Variants in PLCH1 observed in about 807,000 individuals in gnomAD.
PLCH1 encodes the protein phospholipase C eta 1.
In PLCH1, 60 loss-of-function variants were observed where a neutral mutation model predicts 126.7. That is an observed-to-expected ratio of 0.47 (90% CI 0.38 to 0.59). The LOEUF is 0.59. Among genes scored for constraint, PLCH1 ranks in the 20% least tolerant of loss-of-function variants. The probability of loss-of-function intolerance (pLI) is 0.00; values close to 1 mark genes in which losing one functional copy is unlikely to be tolerated. For synonymous variants in PLCH1, 719 were observed against 734.9 expected, an observed-to-expected ratio of 0.98 and a Z score of 0.35; for missense variants, 1,723 against 2,040.0, an observed-to-expected ratio of 0.84 and a Z score of 2.99.
At chr3:155,652,898 G>C (rs1200569362) in intron 2 of PLCH1, among the ~76,000 whole-genome samples, 1 of 152,020 alleles carries the variant, frequency 6.6e-6, no homozygotes, top group Non-Finnish European at 1.5e-5. Flanking sequence ...TTTATTCCTG[G>C]ACCACTTCAC....
chr3:155,512,546 G>T (rs1719723903), intron 12 of PLCH1, among the ~76,000 whole-genome samples: 1 of 151,980 alleles, frequency 6.6e-6, no homozygotes, highest in African/African-American at 2.4e-5. Context: ...GCCTAAAGGT[G>T]AGTACAAGTT....
In PLCH1 at chr3:155,710,598, C is replaced by G. The variant is rs548245345; in HGVS notation, c.-40-6334G>C. Among the ~76,000 whole-genome samples, 4 of 151,930 alleles carry G rather than the reference C, an allele frequency of 2.6e-5. No individual in the cohort carries two copies. In the South Asian group the frequency reaches 8.3e-4, roughly 32 times the overall value. On this transcript the variant is annotated intron_variant, in intron 1 of 22. Coordinates refer to ENST00000460012, the MANE Select transcript of PLCH1 (RefSeq NM_014996.4). ...CTGTAATCCCAGCACTTTGGGAGGC[C>G]GAGGTGGGCAGATCACTTGAGGTCA... is the stretch of plus-strand genomic sequence containing the variant.
chr3:155,691,996 A>C (rs387885), intron 2 of PLCH1, among the ~76,000 whole-genome samples: 62,115 of 151,204 alleles, frequency 0.41, 13,598 homozygotes, highest in African/African-American at 0.55. Flanking sequence ...GCACCACTGC[A>C]CTCCAACCTG....
At chr3:155,494,580 G>C in intron 15 of PLCH1, 63 bp from the exon 16 acceptor site, 1 of 1,297,906 alleles carries the variant, frequency 7.7e-7, no homozygotes. Flanking sequence ...ACCACGCACA[G>C]AAGACTTTAT....
At chr3:155,622,196 C>T (rs919243716) in intron 2 of PLCH1, among the ~76,000 whole-genome samples, 1 of 152,174 alleles carries the variant, frequency 6.6e-6, no homozygotes, top group African/African-American at 2.4e-5. Flanking sequence ...AAATCCTTTA[C>T]AGACAAGCAA....
rs182180498 is a variant in PLCH1 at position 155,610,253 on chromosome 3, C to T, written c.80-13875G>A. ...GCACATGCCTATAATCCCAGCTACT[C>T]AGGAGACTGAGGCAGGAGAATCGCT... On this transcript the variant is annotated intron_variant, in intron 2 of 22. Transcript: ENST00000460012. Among the ~76,000 whole-genome samples the T allele has an allele frequency of 4.2e-3, 636 of 151,278 alleles. 1 individual carries two copies. Among genetic ancestry groups the T allele is most frequent in the Admixed American group, 7.1e-3 (107 of 15,112 alleles).
intron 1 of PLCH1, among the ~76,000 whole-genome samples, chr3:155,723,064 C>T (rs75270604): frequency 2.6e-5 from 4 of 152,142 alleles, no homozygotes; most frequent in African/African-American, 4.8e-5. Context: ...TTGTATAGTT[C>T]CAGGAATTTA....
At chr3:155,471,511 A>T (rs1713228769) in intron 21 of PLCH1, among the ~76,000 whole-genome samples, 1 of 147,314 alleles carries the variant, frequency 6.8e-6, no homozygotes, top group Non-Finnish European at 1.5e-5. Context: ...AACATTAGAC[A>T]GATCAACGAG....
At chr3:155,698,205 G>C (rs1049910948) in intron 2 of PLCH1, among the ~76,000 whole-genome samples, 1 of 152,166 alleles carries the variant, frequency 6.6e-6, no homozygotes, top group Admixed American at 6.5e-5. Context: ...AGTTGAGAAT[G>C]CTCAATAAAC....
intron 2 of PLCH1, among the ~76,000 whole-genome samples, chr3:155,661,408 A>T (rs1207808897): frequency 6.6e-6 from 1 of 152,142 alleles, no homozygotes. Context: ...GGGAGTCTCA[A>T]AGGCTACTGG....
At chr3:155,487,985 C>T (rs1354155578) in intron 21 of PLCH1, 43 bp downstream of exon 21, 1 of 1,138,678 alleles carries the variant, frequency 8.8e-7, no homozygotes, top group Non-Finnish European at 1.3e-6. Context: ...TTGTTAAGGA[C>T]CATATTAATG....
chr3:155,659,204 T>C (rs1448707094), intron 2 of PLCH1, among the ~76,000 whole-genome samples: 1 of 149,946 alleles, frequency 6.7e-6, no homozygotes, highest in African/African-American at 2.5e-5. Context: ...GGACAAGAGA[T>C]GATGTCTTAA....
chr3:155,640,454 T>G (rs972660332), intron 2 of PLCH1, among the ~76,000 whole-genome samples: 2 of 152,192 alleles, frequency 1.3e-5, no homozygotes, highest in African/African-American at 4.8e-5. Context: ...TTAAGCAGAG[T>G]GACCCACGAT....
chr3:155,457,618 T>C (rs1255058423), intron 21 of PLCH1: 1 of 152,198 alleles, frequency 6.6e-6, no homozygotes, highest in Admixed American at 6.5e-5. Flanking sequence ...CTGCACTTAG[T>C]ACATTATATT....
At chr3:155,575,139 AT>A (rs2108558706) in intron 6 of PLCH1, among the ~76,000 whole-genome samples, 1 of 152,188 alleles carries the variant, frequency 6.6e-6, no homozygotes, top group African/African-American at 2.4e-5. Flanking sequence ...TAAAAAAAAA[AT>A]AAATAAATAA....
chr3:155,635,756 TA>T (rs1477175887), intron 2 of PLCH1, among the ~76,000 whole-genome samples: 1 of 152,242 alleles, frequency 6.6e-6, no homozygotes, highest in African/African-American at 2.4e-5. Flanking sequence ...CTTAAACATC[TA>T]ATTAATTACT....
intron 12 of PLCH1, among the ~76,000 whole-genome samples, chr3:155,508,726 C>T (rs1240176148): frequency 1.0e-5 from 1 of 95,802 alleles, no homozygotes; most frequent in Non-Finnish European, 2.0e-5. Context: ...GATGGATAAG[C>T]TTTTTGATGT....
intron 10 of PLCH1, 47 bp downstream of exon 10, chr3:155,549,740 C>T (rs1242805745): frequency 7.4e-7 from 1 of 1,342,764 alleles, no homozygotes; most frequent in Non-Finnish European, 1.1e-6. Context: ...GGAGGGCAGG[C>T]TTAGCTGATA....
chr3:155,697,484 C>A (rs1745913989), intron 2 of PLCH1, among the ~76,000 whole-genome samples: 1 of 152,102 alleles, frequency 6.6e-6, no homozygotes, highest in Admixed American at 6.5e-5. Context: ...CAGAAAGAAG[C>A]AGGGGAAGAG....
Sources: gnomAD v4.1 joint callset for allele counts (sites outside exome capture counted in the v4.1 genomes callset) on GRCh38, gnomAD v4.1.1 for gene constraint, MANE v1.5 for transcripts, NCBI Gene and HGNC (gene_info 2026-07-23, HGNC 2026-07-21) for gene names.